The following SNX29 variants were observed in gnomAD, a reference collection of about 807,000 sequenced individuals.
The protein encoded by SNX29 is sorting nexin 29.
A neutral mutation model predicts 102.1 loss-of-function variants in SNX29; 78 were observed. The ratio of observed to expected loss-of-function variants is 0.76; its 90% CI spans 0.64 to 0.92. The LOEUF (loss-of-function observed/expected upper bound fraction) is 0.92. SNX29 is among the 40% of genes least tolerant of loss of function. The pLI is 0.00. For synonymous variants in SNX29, 580 were observed against 414.5 expected (o/e 1.40, Z -4.85); for missense variants, 1,280 against 1,061.7 (o/e 1.21, Z -2.86).
intron 16 of SNX29, among the ~76,000 whole-genome samples, chr16:12,385,871 C>G (rs1386071435): frequency 1.3e-5 from 2 of 152,192 alleles, no homozygotes; most frequent in East Asian, 3.9e-4. Context: ...TTCTCTGGGA[C>G]CAACGGGATG....
intron 18 of SNX29, among the ~76,000 whole-genome samples, chr16:12,432,959 G>A (rs1019575): frequency 0.087 from 13,197 of 152,290 alleles, 713 homozygotes; most frequent in Middle Eastern, 0.18. Context: ...GTAGTGTGAT[G>A]CCGGGCCTGG....
At chr16:12,537,268 C>G (rs868580645) in intron 20 of SNX29, among the ~76,000 whole-genome samples, 1 of 152,188 alleles carries the variant, frequency 6.6e-6, no homozygotes, top group South Asian at 2.1e-4. Flanking sequence ...CTTTTCACCT[C>G]AGGAAACTGG....
intron 18 of SNX29, among the ~76,000 whole-genome samples, chr16:12,451,842 T>C (rs1315372389): frequency 2.6e-5 from 4 of 152,196 alleles, no homozygotes; most frequent in African/African-American, 9.7e-5. Flanking sequence ...CTAGCCTGGG[T>C]GACAGAGCAA....
chr16:12,404,174 C>T (rs2084071862), intron 18 of SNX29, among the ~76,000 whole-genome samples: 1 of 152,128 alleles, frequency 6.6e-6, no homozygotes, highest in African/African-American at 2.4e-5. Context: ...GAATTCTTTC[C>T]AAAAGAAGGG....
rs75175898 is a variant in SNX29, at chr16:12,558,058, A to G, written c.2319-10448A>G. On this transcript the variant is annotated intron_variant, in intron 20 of 20. Transcript: ENST00000566228. ...GTAATTGGCCGGGATTACAACAGAG[A>G]CATGATTGTGCTCTGAACATCCCAT... Among the ~76,000 whole-genome samples, 1,151 of 152,312 alleles carry G rather than the reference A, an allele frequency of 7.6e-3. 17 individuals carry two copies. Among genetic ancestry groups the G allele is most frequent in the African/African-American group, 0.026 (1,100 of 41,556 alleles).
chr16:12,553,070 C>T (rs1597966496), intron 20 of SNX29, among the ~76,000 whole-genome samples: 1 of 152,208 alleles, frequency 6.6e-6, no homozygotes, highest in East Asian at 1.9e-4. Flanking sequence ...TGCAAAGCAA[C>T]ACTCACCTGC....
At chr16:12,010,875 C>T (rs988370059) in intron 3 of SNX29, among the ~76,000 whole-genome samples, 1 of 152,212 alleles carries the variant, frequency 6.6e-6, no homozygotes, top group African/African-American at 2.4e-5. Context: ...AAAACTGTCA[C>T]GTGTATCCCC....
intron 3 of SNX29, among the ~76,000 whole-genome samples, chr16:12,019,182 A>G (rs1266637373): frequency 6.6e-6 from 1 of 152,192 alleles, no homozygotes; most frequent in African/African-American, 2.4e-5. Flanking sequence ...TCAGAAAAGT[A>G]TGAAAGCAAG....
At chr16:12,473,879 G>A (rs923242419) in intron 18 of SNX29, among the ~76,000 whole-genome samples, 23 of 152,102 alleles carry the variant, frequency 1.5e-4, no homozygotes, top group African/African-American at 5.3e-4. Context: ...TCCATTTCTT[G>A]TTTAGCATAT....
chr16:12,325,013 ATATTACAGCAATCTTG>A (rs1239462369), intron 15 of SNX29, among the ~76,000 whole-genome samples: 1 of 152,180 alleles, frequency 6.6e-6, no homozygotes, highest in East Asian at 1.9e-4. Flanking sequence ...AGTGATGGGT[ATATTACAGCAATCTTG>A]TAGAACGACA....
chr16:12,499,918 C>A (rs1319725316), intron 19 of SNX29, among the ~76,000 whole-genome samples: 2 of 152,194 alleles, frequency 1.3e-5, no homozygotes, highest in Non-Finnish European at 2.9e-5. Flanking sequence ...CTCAAGGGAT[C>A]CACCTGCCTC....
At chr16:12,466,048 G>C (rs187564403) in intron 18 of SNX29, among the ~76,000 whole-genome samples, 1 of 152,268 alleles carries the variant, frequency 6.6e-6, no homozygotes, top group Admixed American at 6.5e-5. Flanking sequence ...ATACTCAACA[G>C]TGAAAAGCTG....
Position 12,553,037 on chromosome 16 carries a change from G to A in SNX29, c.2319-15469G>A, listed in dbSNP as rs148700159. 3.7e-3 allele frequency among the ~76,000 whole-genome samples: 561 copies of A among 152,318 alleles called. 4 individuals carry two copies. The highest frequency in any genetic ancestry group is 0.012 in the African/African-American group (511 of 41,562). On this transcript the variant is annotated intron_variant, in intron 20 of 20. Transcript: ENST00000566228. ...GATTAGATCAGCTTTAAGAGGCTGG[G>A]GACACTAATTGGAGATGGTAACTGC...
chr16:12,040,506 A>C (rs2049836354), intron 4 of SNX29, among the ~76,000 whole-genome samples: 1 of 152,244 alleles, frequency 6.6e-6, no homozygotes, highest in Admixed American at 6.5e-5. Context: ...AAACTTTCTT[A>C]GGTTTCCCAT....
chr16:12,431,727 G>A (rs1337947658), intron 18 of SNX29, among the ~76,000 whole-genome samples: 1 of 152,174 alleles, frequency 6.6e-6, no homozygotes, highest in Admixed American at 6.5e-5. Flanking sequence ...AAGAATTGAG[G>A]GGTGTTGCTC....
At chr16:11,993,426 G>T (rs1047276391) in intron 1 of SNX29, among the ~76,000 whole-genome samples, 6 of 152,112 alleles carry the variant, frequency 3.9e-5, no homozygotes, top group African/African-American at 1.4e-4. Flanking sequence ...TTGGAGAGAA[G>T]GTAGCTAGTT....
chr16:12,363,315 A>G (rs2082359232), intron 16 of SNX29, among the ~76,000 whole-genome samples: 1 of 151,944 alleles, frequency 6.6e-6, no homozygotes. Context: ...CTGGCTTTTC[A>G]CTGTAAGAGG....
chr16:12,013,542 T>TATATATATAGAGAGAGAGAGAGAGAG (rs1382498593), intron 3 of SNX29, among the ~76,000 whole-genome samples: 1 of 109,076 alleles, frequency 9.2e-6, no homozygotes, highest in African/African-American at 3.5e-5. Flanking sequence ...TATATATATA[T>TATATATATAGAGAGAGAGAGAGAGAG]CGAGAGAGGA....
chr16:12,555,003 C>T (rs866873968), intron 20 of SNX29, among the ~76,000 whole-genome samples: 14 of 152,110 alleles, frequency 9.2e-5, no homozygotes, highest in African/African-American at 1.7e-4. Flanking sequence ...TTCTTTCTTG[C>T]AGAGGCAGGC....
Sources: gnomAD v4.1 joint callset for allele counts (sites outside exome capture counted in the v4.1 genomes callset) on GRCh38, gnomAD v4.1.1 for gene constraint, MANE v1.5 for transcripts, NCBI Gene and HGNC (gene_info 2026-07-23, HGNC 2026-07-21) for gene names.